Variants in RIN2 observed in about 807,000 individuals in gnomAD.
RIN2 encodes the protein RAB5 interacting protein 2.
In RIN2, 36 loss-of-function variants were observed where a neutral mutation model predicts 78.0. The observed-to-expected ratio is 0.46, with a 90% CI of 0.35 to 0.61. The LOEUF (loss-of-function observed/expected upper bound fraction) is 0.61, where lower values mean the gene tolerates loss of function less well. RIN2 is among the 20% of genes least tolerant of loss of function. The pLI is 0.00. For synonymous variants in RIN2, 466 were observed against 466.8 expected, an observed-to-expected ratio of 1.00 and a Z score of 0.02; for missense variants, 1,087 against 1,159.7, an observed-to-expected ratio of 0.94 and a Z score of 0.91.
intron 3 of RIN2, among the ~76,000 whole-genome samples, chr20:19,930,614 G>T (rs1217310926): frequency 1.3e-5 from 2 of 152,268 alleles, no homozygotes; most frequent in Admixed American, 6.5e-5. Context: ...TTTGAGGTTT[G>T]CCAGAGGCTG....
intron 3 of RIN2, among the ~76,000 whole-genome samples, chr20:19,905,296 A>T (rs1358666325): frequency 6.6e-6 from 1 of 152,086 alleles, no homozygotes; most frequent in Non-Finnish European, 1.5e-5. Context: ...ATTGTCTCAT[A>T]CTCTTTGAAA....
intron 9 of RIN2, among the ~76,000 whole-genome samples, chr20:19,985,590 G>A: frequency 6.6e-6 from 1 of 152,196 alleles, no homozygotes; most frequent in East Asian, 1.9e-4. Context: ...AAATGAGTGA[G>A]GCTGGGCATG....
In RIN2 at chr20:19,813,126, G is replaced by A. The variant is rs182020091; in HGVS notation, c.-37+13379G>A. ...CTAATCCACTCCACAGTGGCCTCTCGGACAGTCAGCCCCATTTGTGGGGTC... is the reference window on the plus strand; with the variant it reads ...CTAATCCACTCCACAGTGGCCTCTCAGACAGTCAGCCCCATTTGTGGGGTC... On this transcript the variant is annotated intron_variant, in intron 2 of 12. Transcript: ENST00000255006. 4.5e-3 allele frequency among the ~76,000 whole-genome samples: 691 copies of A among 152,170 alleles called. 2 individuals are homozygous for A. Among genetic ancestry groups the A allele is most frequent in the Non-Finnish European group, 3.8e-3 (257 of 68,004 alleles).
chr20:19,985,503 A>G (rs2042593273), intron 9 of RIN2, among the ~76,000 whole-genome samples: 1 of 152,212 alleles, frequency 6.6e-6, no homozygotes, highest in Non-Finnish European at 1.5e-5. Context: ...ATTTAGAAAC[A>G]TTTAGTTTCT....
At chr20:19,813,785 T>TA (rs1343184520) in intron 2 of RIN2, among the ~76,000 whole-genome samples, 1 of 152,260 alleles carries the variant, frequency 6.6e-6, no homozygotes, top group African/African-American at 2.4e-5. Flanking sequence ...CCCACATGAT[T>TA]AATTGTGTCA....
At position 19,975,487 on chromosome 20, in the gene RIN2, G is replaced by A. The variant is rs747717500; in HGVS notation, c.1462G>A (p.Val488Met). The change falls in exon 9 of 13, where the codon GTG becomes ATG. Residue 488 changes from valine to methionine, a missense_variant. This residue lies in a region of RIN2 where 706 missense variants were observed against 667.5 expected (regional missense o/e 1.06). Coordinates refer to ENST00000255006, the MANE Select transcript of RIN2 (RefSeq NM_018993.4). This position sits in a 1 kb window ranked among gnomAD's most constrained non-coding sequence, Gnocchi z 4.9. ...CAAAAAGAAAAGGAGCAGCTCCTTC[G>A]TGCTGCCCAAGCTCGTCAAGTCCCA... ...KSKKKRSSSF[V>M]LPKLVKSQLQ... The A allele has an allele frequency of 4.3e-6, 7 of 1,613,944 alleles. No homozygotes were observed. The highest frequency in any genetic ancestry group is 1.7e-5 in the Admixed American group (1 of 60,012).
At chr20:19,851,365 T>G (rs1420254196) in intron 2 of RIN2, among the ~76,000 whole-genome samples, 1 of 151,978 alleles carries the variant, frequency 6.6e-6, no homozygotes, top group Non-Finnish European at 1.5e-5. Flanking sequence ...CAGGTACAGA[T>G]GAAGGAGATT....
Position 19,844,593 on chromosome 20 carries a change from G to T in RIN2, c.-37+44846G>T, listed in dbSNP as rs200528490. ...CTAGAGAGCTGCTGCTGCTGCTGCT[G>T]CTTCTTCCTCTTCTTCTTCTTCTTC... On this transcript the variant is annotated intron_variant, in intron 2 of 12. Coordinates refer to ENST00000255006, the MANE Select transcript of RIN2 (RefSeq NM_018993.4). 5.1e-3 allele frequency among the ~76,000 whole-genome samples: 324 copies of T among 63,984 alleles called. 5 individuals carry two copies. The highest frequency in any genetic ancestry group is 0.015 in the African/African-American group (289 of 19,394). 42.0% of individuals were successfully genotyped at this position (63,984 alleles called of 152,430 possible).
chr20:19,927,830 G>A (rs2040287314), intron 3 of RIN2, among the ~76,000 whole-genome samples: 1 of 152,170 alleles, frequency 6.6e-6, no homozygotes, highest in South Asian at 2.1e-4. Flanking sequence ...GATTATAGGG[G>A]TAGGCTACTG....
chr20:19,770,898 G>C (rs1215496695), intron 1 of RIN2, among the ~76,000 whole-genome samples: 2 of 117,002 alleles, frequency 1.7e-5, no homozygotes, highest in African/African-American at 2.9e-5. Context: ...CTTCCCACTA[G>C]GGCCGCAAGT....
At chr20:19,871,507 C>G (rs2037687170) in intron 2 of RIN2, among the ~76,000 whole-genome samples, 1 of 152,152 alleles carries the variant, frequency 6.6e-6, no homozygotes, top group Admixed American at 6.5e-5. Flanking sequence ...ATCACTGTTG[C>G]TAGTAAATAG....
At chr20:19,974,166 C>T (rs2042193250) in intron 8 of RIN2, among the ~76,000 whole-genome samples, 3 of 152,172 alleles carry the variant, frequency 2.0e-5, no homozygotes, top group Admixed American at 2.0e-4. Flanking sequence ...CCAGGCCCAG[C>T]TGCTGGTCCT....
At chr20:19,999,021 C>T (rs1601100935) in intron 12 of RIN2, among the ~76,000 whole-genome samples, 4 of 152,280 alleles carry the variant, frequency 2.6e-5, no homozygotes, top group Admixed American at 2.6e-4. Context: ...CAGAGTGTAA[C>T]CGAAGAAGGA....
At chr20:19,924,476 C>T (rs73605549) in intron 3 of RIN2, among the ~76,000 whole-genome samples, 213 of 40,582 alleles carry the variant, frequency 5.2e-3, no homozygotes, top group African/African-American at 0.012. Context: ...CTTCATACCC[C>T]CACCTTCATA....
chr20:19,800,234 T>C (rs1445127348), intron 2 of RIN2, among the ~76,000 whole-genome samples: 1 of 152,200 alleles, frequency 6.6e-6, no homozygotes, highest in East Asian at 1.9e-4. Context: ...CTCCACTTTT[T>C]GTAGTTTTTT....
chr20:19,759,986 T>G (rs1428342117), intron 1 of RIN2, among the ~76,000 whole-genome samples: 1 of 152,240 alleles, frequency 6.6e-6, no homozygotes, highest in Non-Finnish European at 1.5e-5. Context: ...TGCAACAGAT[T>G]GAGCAACTCT....
chr20:19,963,426 A>G (rs1208058324), intron 6 of RIN2, among the ~76,000 whole-genome samples: 6 of 152,246 alleles, frequency 3.9e-5, no homozygotes, highest in Non-Finnish European at 7.4e-5. Flanking sequence ...CCAGCCTGAC[A>G]TGGAGAAACC....
intron 1 of RIN2, among the ~76,000 whole-genome samples, chr20:19,787,450 A>C (rs1230282077): frequency 7.0e-6 from 1 of 143,078 alleles, no homozygotes; most frequent in Admixed American, 7.0e-5. Flanking sequence ...AAAAAAAGAG[A>C]GAGAGAGAGA....
intron 1 of RIN2, among the ~76,000 whole-genome samples, chr20:19,759,913 T>G (rs1323884772): frequency 6.6e-6 from 1 of 152,058 alleles, no homozygotes; most frequent in African/African-American, 2.4e-5. Flanking sequence ...ATATCCAGTC[T>G]CCCTCCCCCA....
Sources: gnomAD v4.1 joint callset for allele counts (sites outside exome capture counted in the v4.1 genomes callset) on GRCh38, gnomAD v4.1.1 for gene constraint, gnomAD v4.1.1 regional missense constraint, Gnocchi (gnomAD v3.1) non-coding constraint, MANE v1.5 for transcripts, NCBI Gene and HGNC (gene_info 2026-07-23, HGNC 2026-07-21) for gene names.